Variants in GLB1 observed in about 807,000 individuals in gnomAD.
GLB1 encodes the protein galactosidase beta 1.
GLB1 carries 56 observed loss-of-function variants against 74.0 expected under a neutral mutation model. The observed-to-expected ratio is 0.76, with a 90% CI of 0.61 to 0.94. The LOEUF is 0.94. Ranked by LOEUF, GLB1 falls within the 40% of genes least tolerant of loss-of-function variation. GLB1 has a pLI of 0.00. For synonymous variants in GLB1, 323 were observed against 323.6 expected, an observed-to-expected ratio of 1.00 and a Z score of 0.02; for missense variants, 787 against 845.5, an observed-to-expected ratio of 0.93 and a Z score of 0.86.
At chr3:33,004,083 A>G (rs1221159162) in intron 15 of GLB1, among the ~76,000 whole-genome samples, 2 of 151,884 alleles carry the variant, frequency 1.3e-5, no homozygotes, top group Non-Finnish European at 2.9e-5. Flanking sequence ...TGGCTGGTCT[A>G]GTGACATATT....
chr3:33,056,227 CAAAAAAAAAAA>C (rs10559091), intron 6 of GLB1, among the ~76,000 whole-genome samples: 3 of 48,594 alleles, frequency 6.2e-5, no homozygotes, highest in Admixed American at 3.3e-4. Flanking sequence ...AACTCCACCT[CAAAAAAAAAAA>C]AAAAAAAAAA....
chr3:33,084,807 A>G (rs1700445328), intron 1 of GLB1, among the ~76,000 whole-genome samples: 1 of 152,234 alleles, frequency 6.6e-6, no homozygotes, highest in Non-Finnish European at 1.5e-5. Context: ...TATTTGGCCT[A>G]AGGATAAAAA....
chr3:33,021,267 A>C (rs943096539), intron 12 of GLB1: 8 of 434,940 alleles, frequency 1.8e-5, no homozygotes, highest in African/African-American at 1.4e-4. Context: ...CCTAGTAATA[A>C]AGATTAATTA....
At chr3:33,037,203 G>A (rs1327862721) in intron 10 of GLB1, among the ~76,000 whole-genome samples, 1 of 151,922 alleles carries the variant, frequency 6.6e-6, no homozygotes, top group African/African-American at 2.4e-5. Context: ...GCGCCACCAT[G>A]CCAGCCTAAT....
the GLB1 span, among the ~76,000 whole-genome samples, chr3:32,982,133 G>A: frequency 6.6e-6 from 1 of 152,090 alleles, no homozygotes; most frequent in African/African-American, 2.4e-5. Context: ...GACCAACATG[G>A]AGAAACCCCG....
At chr3:33,046,302 T>C (rs1418459324) in intron 9 of GLB1, 70 bp from the exon 10 acceptor site, 1 of 1,567,506 alleles carries the variant, frequency 6.4e-7, no homozygotes, top group East Asian at 2.2e-5. Flanking sequence ...TTGGGATCCA[T>C]GAGCTCAGCA....
chr3:33,093,338 G>T lies in GLB1; in HGVS notation c.75+3673C>A. 1 of 1,614,190 alleles carries T rather than the reference G, an allele frequency of 6.2e-7. No homozygotes were observed. The highest frequency in any genetic ancestry group is 8.5e-7 in the Non-Finnish European group (1 of 1,180,046). On this transcript the variant is annotated intron_variant, in intron 1 of 15. Coordinates refer to ENST00000307363, the MANE Select transcript of GLB1 (RefSeq NM_000404.4). This position sits in a 1 kb window ranked among gnomAD's most constrained non-coding sequence, Gnocchi z 6.0. ...GGGATTCCAGAAGTGCAAACCAGTT[G>T]CTGACATCTGACGTGTAGTACTCAT... is the stretch of plus-strand genomic sequence containing the variant.
At chr3:33,028,666 A>ATTT (rs869252582) in intron 10 of GLB1, among the ~76,000 whole-genome samples, 1 of 146,208 alleles carries the variant, frequency 6.8e-6, no homozygotes, top group Non-Finnish European at 1.5e-5. Context: ...TTACCCAAAA[A>ATTT]TTTTTTTTTT....
the GLB1 span, among the ~76,000 whole-genome samples, chr3:32,980,621 A>C: frequency 1.2e-4 from 18 of 152,202 alleles, no homozygotes; most frequent in South Asian, 6.2e-4. Context: ...TCTCTACTAA[A>C]AATACAAAAA....
At chr3:33,029,540 G>A (rs560651153) in intron 10 of GLB1, among the ~76,000 whole-genome samples, 16 of 152,210 alleles carry the variant, frequency 1.1e-4, no homozygotes, top group East Asian at 3.9e-4. Flanking sequence ...GTAAAGACAC[G>A]GAATCAACCT....
chr3:33,022,930 T>C (rs1207795455), intron 11 of GLB1, among the ~76,000 whole-genome samples: 2 of 152,148 alleles, frequency 1.3e-5, no homozygotes, highest in Non-Finnish European at 2.9e-5. Context: ...AAAAATCTCA[T>C]TTACAATTTC....
chr3:32,987,930 A>C, the GLB1 span, among the ~76,000 whole-genome samples: 1 of 152,106 alleles, frequency 6.6e-6, no homozygotes, highest in Non-Finnish European at 1.5e-5. Flanking sequence ...CATGCCTGTA[A>C]TCCCAGGATT....
At chr3:33,016,600 C>T in intron 14 of GLB1, 109 bp downstream of exon 14, 4 of 1,576,240 alleles carry the variant, frequency 2.5e-6, no homozygotes, top group Non-Finnish European at 3.5e-6. Flanking sequence ...GATCCTCCTG[C>T]CTTGGCTTCC....
chr3:33,047,320 G>C (rs1238162994), intron 9 of GLB1, among the ~76,000 whole-genome samples: 1 of 152,210 alleles, frequency 6.6e-6, no homozygotes, highest in East Asian at 1.9e-4. Flanking sequence ...TCACAGGTAT[G>C]AGGTTGTCTG....
At chr3:33,031,187 A>G (rs1253149928) in intron 10 of GLB1, among the ~76,000 whole-genome samples, 1 of 152,344 alleles carries the variant, frequency 6.6e-6, no homozygotes, top group East Asian at 1.9e-4. Flanking sequence ...AATGGATTAC[A>G]GAGGAGACAT....
chr3:33,063,158 C>T (rs75544482), intron 5 of GLB1, among the ~76,000 whole-genome samples: 1,809 of 151,736 alleles, frequency 0.012, 62 homozygotes, highest in East Asian at 0.075. Context: ...GAATTTTGAA[C>T]GATATGAAAA....
rs1258171189 is a variant in GLB1 at position 33,090,607 on chromosome 3, G to A, written c.75+6404C>T. On this transcript the variant is annotated intron_variant, in intron 1 of 15. Coordinates refer to ENST00000307363, the MANE Select transcript of GLB1 (RefSeq NM_000404.4). ...AGTAACGTTTCTCACCACCTCCCCC[G>A]GCCACAAACAAACAAAAAGGTCCAT... 19 of 985,320 alleles carry A rather than the reference G, an allele frequency of 1.9e-5. No homozygotes were observed. The African/African-American group carries it at 2.4e-4, about 13-fold the overall frequency. 61.0% of individuals were successfully genotyped at this position (985,320 alleles called of 1,614,324 possible).
At chr3:33,031,516 C>T (rs1361367767) in intron 10 of GLB1, among the ~76,000 whole-genome samples, 5 of 143,578 alleles carry the variant, frequency 3.5e-5, no homozygotes, top group Non-Finnish European at 6.0e-5. Context: ...CATTGGTGTG[C>T]GCTTGTAATC....
chr3:33,001,809 G>A (rs919652691), intron 15 of GLB1, among the ~76,000 whole-genome samples: 5 of 152,256 alleles, frequency 3.3e-5, no homozygotes, highest in African/African-American at 1.2e-4. Flanking sequence ...AATTCTTCAC[G>A]TTCCTCTGCT....
Sources: allele counts gnomAD v4.1 joint callset (sites outside exome capture counted in the v4.1 genomes callset), GRCh38; gene constraint gnomAD v4.1.1; non-coding constraint Gnocchi (gnomAD v3.1); transcripts MANE v1.5; gene names NCBI Gene and HGNC (gene_info 2026-07-23, HGNC 2026-07-21).